TRAPPC11: variants seen among roughly 807,000 people sequenced by gnomAD.
TRAPPC11 encodes the protein foie gras homolog.
In TRAPPC11, 104 loss-of-function variants were observed where a neutral mutation model predicts 151.2. That is an observed-to-expected ratio of 0.69 (90% CI 0.59 to 0.81). The LOEUF (loss-of-function observed/expected upper bound fraction) is 0.81, where lower values mean the gene tolerates loss of function less well. Ranked by LOEUF, TRAPPC11 falls within the 30% of genes least tolerant of loss-of-function variation. The pLI is 0.00. For synonymous variants in TRAPPC11, 456 were observed against 472.3 expected, an observed-to-expected ratio of 0.97 and a Z score of 0.45; for missense variants, 1,230 against 1,349.6, an observed-to-expected ratio of 0.91 and a Z score of 1.39.
rs566448184 is a variant in TRAPPC11, at chr4:183,709,688, T to C, written c.3357+1114T>C. Among the ~76,000 whole-genome samples, 50 of 152,212 alleles carry C rather than the reference T, an allele frequency of 3.3e-4. 1 individual carries two copies. Among genetic ancestry groups the C allele is most frequent in the Admixed American group, 3.2e-3 (49 of 15,280 alleles). The stretch of plus-strand genomic sequence containing the variant: ...TACTTGGGAGGCTGAGGCAGGAGAA[T>C]TGCTTGAACCCAGGAGGCAGAGCTT... On this transcript the variant is annotated intron_variant, in intron 29 of 29. Transcript: ENST00000334690.
intron 2 of TRAPPC11, 68 bp from the exon 3 acceptor site, chr4:183,666,189 T>C (rs1396358592): frequency 6.8e-7 from 1 of 1,480,740 alleles, no homozygotes; most frequent in Non-Finnish European, 9.2e-7. Context: ...CATAAAGTGC[T>C]TGGCACTCAG....
At chr4:183,711,081 A>G (rs1737319448) in intron 29 of TRAPPC11, among the ~76,000 whole-genome samples, 1 of 151,482 alleles carries the variant, frequency 6.6e-6, no homozygotes, top group South Asian at 2.1e-4. Context: ...ACATATTTCA[A>G]AACATCATGT....
intron 5 of TRAPPC11, among the ~76,000 whole-genome samples, chr4:183,674,333 G>A (rs768617594): frequency 4.7e-5 from 7 of 149,576 alleles, no homozygotes; most frequent in Non-Finnish European, 7.4e-5. Context: ...CACAGGAATC[G>A]CTTGAACCAG....
At position 183,666,359 on chromosome 4, in the gene TRAPPC11, C is replaced by T. The variant is rs758844421; in HGVS notation, c.307C>T (p.Leu103=). 6 of 1,614,120 alleles carry T rather than the reference C, an allele frequency of 3.7e-6. No homozygotes were observed. The Admixed American group carries it at 5.0e-5, about 13-fold the overall frequency. The change falls in exon 3 of 30, where the codon CTG becomes TTG. Residue 103 remains leucine (L), a synonymous_variant. Transcript: ENST00000334690. ...VPALVVVFYE[L]DWDEPQWKEK... is the part of the protein sequence containing the mutation. Reference sequence around the variant, plus strand: ...AGCCCTGGTGGTTGTGTTCTATGAACTGGACTGGGATGAGCCTCAGTGGAA... The same window carrying T: ...AGCCCTGGTGGTTGTGTTCTATGAATTGGACTGGGATGAGCCTCAGTGGAA...
chr4:183,670,233 A>C (rs935755180), intron 5 of TRAPPC11, among the ~76,000 whole-genome samples: 1 of 152,168 alleles, frequency 6.6e-6, no homozygotes, highest in African/African-American at 2.4e-5. Flanking sequence ...GTGTTTTTTT[A>C]AGTGTCAAAA....
rs1736524112 is a variant in TRAPPC11 at position 183,696,118 on chromosome 4, C to T, written c.2629-1385C>T. 2.0e-5 allele frequency among the ~76,000 whole-genome samples: 3 copies of T among 152,120 alleles called. No individual in the cohort carries two copies. In the South Asian group the frequency reaches 6.2e-4, roughly 31 times the overall value. On this transcript the variant is annotated intron_variant, in intron 23 of 29. Coordinates refer to ENST00000334690, the MANE Select transcript of TRAPPC11 (RefSeq NM_021942.6). ...AGCATTTTGGACTTGGAATGCTCAACAAGTAAGTATAATCCAAATACTCCA... is the reference window on the plus strand; with the variant it reads ...AGCATTTTGGACTTGGAATGCTCAATAAGTAAGTATAATCCAAATACTCCA...
intron 29 of TRAPPC11, among the ~76,000 whole-genome samples, chr4:183,711,632 A>G (rs1737345121): frequency 1.3e-5 from 2 of 152,194 alleles, no homozygotes. Flanking sequence ...ATGTTTCTGT[A>G]TGTATGTACA....
chr4:183,692,939 C>A, intron 19 of TRAPPC11, 21 bp from the exon 20 acceptor site: 1 of 1,584,402 alleles, frequency 6.3e-7, no homozygotes, highest in Non-Finnish European at 8.6e-7. Flanking sequence ...ACATTTCCAA[C>A]ATCCTTTTTT....
At chr4:183,665,101 T>TA (rs1734778027) in intron 2 of TRAPPC11, among the ~76,000 whole-genome samples, 2 of 144,656 alleles carry the variant, frequency 1.4e-5, no homozygotes, top group Admixed American at 1.4e-4. Flanking sequence ...CTTTTTTTTT[T>TA]TTTTTTTTTT....
chr4:183,705,605 C>T (rs1379854441), intron 27 of TRAPPC11, among the ~76,000 whole-genome samples: 1 of 152,146 alleles, frequency 6.6e-6, no homozygotes, highest in Non-Finnish European at 1.5e-5. Context: ...CCACTTTGTC[C>T]ATCTCCTCCC....
chr4:183,697,381 CT>C (rs1736588455), intron 23 of TRAPPC11, 121 bp from the exon 24 acceptor site: 1 of 900,844 alleles, frequency 1.1e-6, no homozygotes, highest in Non-Finnish European at 1.7e-6. Flanking sequence ...TCTAAAAGGC[CT>C]TTACTTCTTA....
intron 26 of TRAPPC11, among the ~76,000 whole-genome samples, chr4:183,703,118 A>G (rs1736883002): frequency 6.6e-6 from 1 of 152,202 alleles, no homozygotes; most frequent in South Asian, 2.1e-4. Flanking sequence ...ACAAGAAGGA[A>G]AATCCCCTGG....
rs199634473 is a variant in TRAPPC11 at position 183,685,127 on chromosome 4, C to T, written c.1611C>T (p.Asn537=). Residue 537 remains asparagine (N), a synonymous_variant, in exon 16 of 30, where the codon AAC becomes AAT. Transcript: ENST00000334690. The part of the protein sequence containing the change: ...KDDQKSRIEK[N]LINVLMNESP... ...ACCAGAAGTCTCGGATAGAAAAGAA[C>T]CTCATAAATGTTTTAATGGTAGGTT... 7.6e-5 allele frequency: 123 copies of T among 1,613,744 alleles called. No homozygotes were observed. The highest frequency in any genetic ancestry group is 1.0e-4 in the Non-Finnish European group (120 of 1,179,880).
At position 183,685,374 on chromosome 4, in the gene TRAPPC11, C is replaced by A; in HGVS notation, c.1733C>A (p.Thr578Lys). Reference sequence around the variant, plus strand: ...TCTCTGGCTGGCAGCAATATTTTCACAATAGGAGTACAGGACTTTGTGCCA... The same window carrying A: ...TCTCTGGCTGGCAGCAATATTTTCAAAATAGGAGTACAGGACTTTGTGCCA... ...RISLAGSNIFTIGVQDFVPFV... is the reference protein window; with the variant it reads ...RISLAGSNIFKIGVQDFVPFV... Residue 578 changes from threonine to lysine, a missense_variant, in exon 17 of 30, where the codon ACA (threonine) becomes AAA (lysine). By Grantham distance (78) the Thr-to-Lys change is moderately conservative. Coordinates refer to ENST00000334690, the MANE Select transcript of TRAPPC11 (RefSeq NM_021942.6). 6.2e-7 allele frequency: 1 copy of A among 1,614,110 alleles called. No homozygotes were observed. The highest frequency in any genetic ancestry group is 8.5e-7 in the Non-Finnish European group (1 of 1,180,008).
intron 5 of TRAPPC11, among the ~76,000 whole-genome samples, chr4:183,670,449 C>T (rs371720237): frequency 5.4e-4 from 83 of 152,296 alleles, no homozygotes; most frequent in African/African-American, 2.0e-3. Context: ...CTGTGTCATG[C>T]TTACTAGCAG....
Position 183,677,483 on chromosome 4 carries a change from G to C in TRAPPC11, c.760G>C (p.Val254Leu), listed in dbSNP as rs759142358. ...LKNYRTAYNL[V>L]HELRAHETNI... ...GAATTATAGGACCGCCTATAATCTT[G>C]TACACGAATTGAGAGCCCATGAAAC... Residue 254 changes from valine to leucine, a missense_variant, in exon 8 of 30, where the codon GTA (valine) becomes CTA (leucine). Coordinates refer to ENST00000334690, the MANE Select transcript of TRAPPC11 (RefSeq NM_021942.6). The C allele has an allele frequency of 1.2e-6, 2 of 1,607,990 alleles. No individual in the cohort carries two copies. Among genetic ancestry groups the C allele is most frequent in the Non-Finnish European group, 1.7e-6 (2 of 1,174,984 alleles).
In TRAPPC11 at chr4:183,693,622, T is replaced by A. The variant is rs1736372377; in HGVS notation, c.2271T>A (p.His757Gln). Residue 757 changes from histidine (H) to glutamine (Q), a missense_variant, in exon 21 of 30, where the codon CAT becomes CAA. Coordinates refer to ENST00000334690, the MANE Select transcript of TRAPPC11 (RefSeq NM_021942.6). ...IISRVPNISV[H>Q]LLHEPPALTN... is the part of the protein sequence containing the mutation. ...CCAGAGTCCCAAACATTTCTGTACATCTGCTACATGAACCCCCTGCACTGA... is the reference window on the plus strand; with the variant it reads ...CCAGAGTCCCAAACATTTCTGTACAACTGCTACATGAACCCCCTGCACTGA... 2 of 1,613,968 alleles carry A rather than the reference T, an allele frequency of 1.2e-6. No individual in the cohort carries two copies. The highest frequency in any genetic ancestry group is 2.7e-5 in the African/African-American group (2 of 75,044).
At position 183,701,807 on chromosome 4, in the gene TRAPPC11, A is replaced by G. The variant is rs1199947558; in HGVS notation, c.2962A>G (p.Arg988Gly). Residue 988 changes from arginine (R) to glycine (G), a missense_variant and splice_region_variant, in exon 26 of 30, where the codon AGG (arginine) becomes GGG (glycine). Coordinates refer to ENST00000334690, the MANE Select transcript of TRAPPC11 (RefSeq NM_021942.6). The part of the protein sequence containing the change: ...ATGHYIISWK[R>G]TSAMENIPII... The stretch of plus-strand genomic sequence containing the variant: ...CGGGCATTATATTATCTCTTGGAAA[A>G]GGTAAGAATTATGTCAATCCTGTCT... The G allele has an allele frequency of 4.4e-6, 7 of 1,585,598 alleles. No homozygotes were observed. The highest frequency in any genetic ancestry group is 1.7e-5 in the Admixed American group (1 of 59,974).
At chr4:183,667,275 C>T in intron 4 of TRAPPC11, 145 bp downstream of exon 4, 1 of 584,272 alleles carries the variant, frequency 1.7e-6, no homozygotes, top group Non-Finnish European at 3.0e-6. Flanking sequence ...ACCAATGATA[C>T]ATGAACAAAT....
Sources: allele counts gnomAD v4.1 joint callset (sites outside exome capture counted in the v4.1 genomes callset), GRCh38; gene constraint gnomAD v4.1.1; transcripts MANE v1.5; gene names NCBI Gene and HGNC (gene_info 2026-07-23, HGNC 2026-07-21).